SOX6: variants seen among roughly 807,000 people sequenced by gnomAD.
SOX6 encodes SRY-box transcription factor 6, also known as transcription factor SOX-6.
In SOX6, 11 loss-of-function variants were observed where a neutral mutation model predicts 97.8. The ratio of observed to expected loss-of-function variants is 0.11; its 90% confidence interval spans 0.07 to 0.19. The LOEUF (loss-of-function observed/expected upper bound fraction) is 0.19. Ranked by LOEUF, SOX6 falls within the 10% of genes least tolerant of loss-of-function variation. SOX6 has a pLI of 1.00. For missense variants in SOX6, 810 were observed against 1,039.5 expected (o/e 0.78, Z 3.04); for synonymous variants, 360 against 371.4 (o/e 0.97, Z 0.35).
At chr11:16,681,371 A>C (rs1847926055) in intron 3 of SOX6, among the ~76,000 whole-genome samples, 1 of 152,218 alleles carries the variant, frequency 6.6e-6, no homozygotes, top group Non-Finnish European at 1.5e-5. Context: ...TGGGTAAATA[A>C]CAAAATGAAG....
At chr11:16,031,929 A>T (rs1352060587) in intron 12 of SOX6, among the ~76,000 whole-genome samples, 2 of 152,176 alleles carry the variant, frequency 1.3e-5, no homozygotes, top group Non-Finnish European at 2.9e-5. Context: ...AGGAAGTGGC[A>T]GTGAGACAAG....
intron 15 of SOX6, among the ~76,000 whole-genome samples, chr11:15,980,460 C>T (rs1042782270): frequency 2.0e-5 from 3 of 151,924 alleles, no homozygotes; most frequent in African/African-American, 7.2e-5. Flanking sequence ...GCTGATCTTG[C>T]TCTCTTTTAT....
chr11:16,176,745 C>T (rs973629793), intron 6 of SOX6, among the ~76,000 whole-genome samples: 2 of 151,792 alleles, frequency 1.3e-5, no homozygotes, highest in Non-Finnish European at 2.9e-5. Context: ...TATTATTAGA[C>T]ACATTTTGTA....
At chr11:16,250,098 C>T (rs1380203950) in intron 3 of SOX6, among the ~76,000 whole-genome samples, 1 of 152,128 alleles carries the variant, frequency 6.6e-6, no homozygotes, top group Non-Finnish European at 1.5e-5. Context: ...CTGGTACCAG[C>T]CTTACTGGTA....
At chr11:16,290,487 A>C (rs1403046587) in intron 3 of SOX6, among the ~76,000 whole-genome samples, 1 of 152,118 alleles carries the variant, frequency 6.6e-6, no homozygotes, top group East Asian at 1.9e-4. Flanking sequence ...TAAATGACAG[A>C]GTGTTCAACC....
intron 4 of SOX6, among the ~76,000 whole-genome samples, chr11:16,494,105 T>G (rs4278481): frequency 1 from 151,850 of 152,304 alleles, 75,699 homozygotes; most frequent in Middle Eastern, 1. Flanking sequence ...GGCCAGGCAC[T>G]GTGGCTCATG....
chr11:16,158,462 A>C (rs1455103), intron 6 of SOX6, among the ~76,000 whole-genome samples: 72,578 of 151,770 alleles, frequency 0.48, 17,586 homozygotes, highest in Middle Eastern at 0.66. Context: ...CCCAAGAGTC[A>C]ACTTATCTTT....
intron 2 of SOX6, among the ~76,000 whole-genome samples, chr11:16,722,363 G>A (rs1275220489): frequency 6.6e-6 from 1 of 152,134 alleles, no homozygotes; most frequent in East Asian, 1.9e-4. Context: ...ATTAAAAAGT[G>A]GGCAATGGGC....
intron 2 of SOX6, among the ~76,000 whole-genome samples, chr11:16,326,070 A>G (rs1190144414): frequency 5.3e-5 from 8 of 152,162 alleles, no homozygotes; most frequent in Admixed American, 3.9e-4. Context: ...TACCCAGTGT[A>G]TGGTATTTTG....
intron 1 of SOX6, among the ~76,000 whole-genome samples, chr11:16,463,136 AC>A (rs1859963436): frequency 6.6e-6 from 1 of 152,184 alleles, no homozygotes; most frequent in East Asian, 1.9e-4. Flanking sequence ...ATGAAATAAA[AC>A]CCTGCTGGTG....
At chr11:16,521,744 G>A (rs957837016) in intron 4 of SOX6, among the ~76,000 whole-genome samples, 2 of 152,094 alleles carry the variant, frequency 1.3e-5, no homozygotes, top group African/African-American at 4.8e-5. Flanking sequence ...AAATTTAGAC[G>A]AATGTATAAC....
intron 7 of SOX6, among the ~76,000 whole-genome samples, chr11:16,100,402 T>C (rs1178205695): frequency 6.6e-6 from 1 of 151,742 alleles, no homozygotes; most frequent in Admixed American, 6.6e-5. Context: ...AGAAATAATG[T>C]CCATTCTGTA....
intron 12 of SOX6, among the ~76,000 whole-genome samples, chr11:16,042,229 C>T (rs1205821472): frequency 2.0e-5 from 3 of 152,132 alleles, no homozygotes; most frequent in African/African-American, 7.2e-5. Flanking sequence ...TCTTTGTAAT[C>T]TACATGTAGT....
At chr11:16,723,935 A>G (rs938717157) in intron 2 of SOX6, among the ~76,000 whole-genome samples, 7 of 152,208 alleles carry the variant, frequency 4.6e-5, no homozygotes, top group African/African-American at 1.7e-4. Context: ...CGCCCAAAGA[A>G]TTTCTGTGAC....
chr11:16,238,417 T>C (rs995760289), intron 3 of SOX6, among the ~76,000 whole-genome samples: 12 of 152,186 alleles, frequency 7.9e-5, no homozygotes, highest in African/African-American at 2.9e-4. Context: ...GCCAGGTAAG[T>C]CAAGAATGCT....
intron 2 of SOX6, among the ~76,000 whole-genome samples, chr11:16,326,369 T>C (rs1856091271): frequency 6.6e-6 from 1 of 152,076 alleles, no homozygotes; most frequent in Non-Finnish European, 1.5e-5. Context: ...AAATTCTACA[T>C]CTTCACTTTC....
intron 3 of SOX6, among the ~76,000 whole-genome samples, chr11:16,291,056 A>C (rs1190989301): frequency 6.6e-6 from 1 of 151,914 alleles, no homozygotes; most frequent in African/African-American, 2.4e-5. Flanking sequence ...GTTTTCCTAT[A>C]AGCAGTGCTT....
chr11:16,256,161 G>C (rs910974788), intron 3 of SOX6, among the ~76,000 whole-genome samples: 1 of 151,938 alleles, frequency 6.6e-6, no homozygotes, highest in Non-Finnish European at 1.5e-5. Flanking sequence ...ATTTCTTTCA[G>C]AAGATAGAAG....
chr11:16,674,240 C>T (rs529205456), intron 3 of SOX6, among the ~76,000 whole-genome samples: 3 of 146,890 alleles, frequency 2.0e-5, no homozygotes, highest in Non-Finnish European at 3.0e-5. Context: ...GGATTTACCA[C>T]GAGGATGCAA....
Sources: allele counts gnomAD v4.1 joint callset (sites outside exome capture counted in the v4.1 genomes callset), GRCh38; gene constraint gnomAD v4.1.1; transcripts MANE v1.5; gene names NCBI Gene and HGNC (gene_info 2026-07-23, HGNC 2026-07-21).